ST3GAL1: variants seen among roughly 807,000 people sequenced by gnomAD.
ST3GAL1 encodes the protein CMP-N-acetylneuraminate-beta-galactosamide-alpha-2,3-sialyltransferase 1.
A neutral mutation model predicts 34.1 loss-of-function variants in ST3GAL1; 16 were observed. The observed-to-expected ratio is 0.47, with a 90% CI of 0.32 to 0.71. ST3GAL1 has a LOEUF of 0.71. ST3GAL1 is among the 30% of genes least tolerant of loss of function. The pLI, the probability that ST3GAL1 is intolerant of heterozygous loss-of-function variation, is 0.04. For missense variants in ST3GAL1, 353 were observed against 447.4 expected, an observed-to-expected ratio of 0.79 and a Z score of 1.90; for synonymous variants, 191 against 184.7, an observed-to-expected ratio of 1.03 and a Z score of -0.28.
chr8:133,541,114 T>TAGAG (rs1299790632), intron 2 of ST3GAL1, among the ~76,000 whole-genome samples: 534 of 44,024 alleles, frequency 0.012, 59 homozygotes, highest in East Asian at 0.02. Context: ...TATATATATA[T>TAGAG]ATATATAGAG....
chr8:133,473,570 G>A (rs1816046785), intron 5 of ST3GAL1, among the ~76,000 whole-genome samples: 1 of 152,242 alleles, frequency 6.6e-6, no homozygotes, highest in South Asian at 2.1e-4. Context: ...TGCTGCTACA[G>A]GGGGAATCAG....
rs183099045 is a variant in ST3GAL1, at chr8:133,535,471, T to C, written c.-429+10303A>G. ...TGGGCAAGTCTATTGGTGCCATTTTTCCAACAGTATGTGCTCATTCCATTG... is the reference window on the plus strand; with the variant it reads ...TGGGCAAGTCTATTGGTGCCATTTTCCCAACAGTATGTGCTCATTCCATTG... On this transcript the variant is annotated intron_variant, in intron 2 of 9. Coordinates refer to ENST00000522652, the MANE Select transcript of ST3GAL1 (RefSeq NM_173344.3). Among the ~76,000 whole-genome samples, 363 of 152,242 alleles carry C rather than the reference T, an allele frequency of 2.4e-3. 1 individual carries two copies. Among genetic ancestry groups the C allele is most frequent in the African/African-American group, 8.4e-3 (348 of 41,488 alleles).
intron 1 of ST3GAL1, among the ~76,000 whole-genome samples, chr8:133,547,969 C>T (rs865956695): frequency 2.0e-4 from 30 of 152,120 alleles, no homozygotes; most frequent in African/African-American, 7.0e-4. Flanking sequence ...TGTCTAAGCC[C>T]AGAGTTGTCT....
At chr8:133,481,466 T>C (rs1816386107) in intron 3 of ST3GAL1, among the ~76,000 whole-genome samples, 2 of 152,228 alleles carry the variant, frequency 1.3e-5, no homozygotes, top group Middle Eastern at 3.4e-3. Flanking sequence ...TTTTTGTTTG[T>C]TTGGGTTTTT....
At chr8:133,470,732 A>G (rs566793445) in intron 5 of ST3GAL1, among the ~76,000 whole-genome samples, 1 of 152,264 alleles carries the variant, frequency 6.6e-6, no homozygotes, top group South Asian at 2.1e-4. Flanking sequence ...CATGGAGTCA[A>G]GCACTGCAGG....
chr8:133,466,188 T>C lies in ST3GAL1; in HGVS notation c.307-98A>G. The C allele has an allele frequency of 4.7e-6, 6 of 1,264,170 alleles. No homozygotes were observed. The highest frequency in any genetic ancestry group is 6.5e-6 in the Non-Finnish European group (6 of 917,396). 78.3% of individuals were successfully genotyped at this position (1,264,170 alleles called of 1,614,324 possible). Reference sequence around the variant, plus strand: ...TACCTGCTGTCGTTTACTGGGGCCCTCCTGTTCACCCTTCTCTCTGCTGGG... The same window carrying C: ...TACCTGCTGTCGTTTACTGGGGCCCCCCTGTTCACCCTTCTCTCTGCTGGG... On this transcript the variant is annotated intron_variant, in intron 5 of 9. Transcript: ENST00000522652. This position sits in a 1 kb window ranked among gnomAD's most constrained non-coding sequence, Gnocchi z 4.4.
chr8:133,522,434 T>G (rs889491967), intron 2 of ST3GAL1, among the ~76,000 whole-genome samples: 2 of 152,026 alleles, frequency 1.3e-5, no homozygotes, highest in Non-Finnish European at 2.9e-5. Flanking sequence ...CCTCTGGAAA[T>G]GTGTTGCAAT....
At chr8:133,540,704 T>A (rs1323311676) in intron 2 of ST3GAL1, among the ~76,000 whole-genome samples, 1 of 143,788 alleles carries the variant, frequency 7.0e-6, no homozygotes, top group Admixed American at 7.1e-5. Context: ...CATATATATA[T>A]ATACAGACAT....
intron 2 of ST3GAL1, among the ~76,000 whole-genome samples, chr8:133,511,023 T>C (rs1052970605): frequency 6.6e-6 from 1 of 152,252 alleles, no homozygotes; most frequent in Non-Finnish European, 1.5e-5. Flanking sequence ...CTTGTAGCCA[T>C]AGCAGATAGA....
chr8:133,488,121 G>A (rs1284533602), intron 3 of ST3GAL1: 1 of 152,154 alleles, frequency 6.6e-6, no homozygotes, highest in Non-Finnish European at 1.5e-5. Context: ...CATGTGGCTT[G>A]CCCCTGTCAT....
intron 2 of ST3GAL1, among the ~76,000 whole-genome samples, chr8:133,503,461 C>A (rs903649415): frequency 6.6e-6 from 1 of 152,094 alleles, no homozygotes; most frequent in Non-Finnish European, 1.5e-5. Context: ...GTCTGCTCCC[C>A]CTCCGCCCCA....
intron 2 of ST3GAL1, among the ~76,000 whole-genome samples, chr8:133,513,623 T>C (rs1438976130): frequency 6.6e-6 from 1 of 152,092 alleles, no homozygotes; most frequent in African/African-American, 2.4e-5. Flanking sequence ...TGGCTGGGCG[T>C]AATGGCTCAC....
chr8:133,487,426 G>T (rs532369962), intron 3 of ST3GAL1, among the ~76,000 whole-genome samples: 1 of 152,038 alleles, frequency 6.6e-6, no homozygotes, highest in Admixed American at 6.6e-5. Flanking sequence ...AACTGCATAT[G>T]TGTGTGTGTG....
chr8:133,490,321 C>T (rs1287522422), intron 3 of ST3GAL1, among the ~76,000 whole-genome samples: 3 of 152,192 alleles, frequency 2.0e-5, no homozygotes, highest in Non-Finnish European at 4.4e-5. Context: ...GTACCTCACC[C>T]AGGTACCCAA....
chr8:133,485,896 C>T (rs543775027), intron 3 of ST3GAL1, among the ~76,000 whole-genome samples: 1 of 152,270 alleles, frequency 6.6e-6, no homozygotes, highest in Admixed American at 6.5e-5. Flanking sequence ...CCTCAAGTTC[C>T]TCATCCATAA....
At chr8:133,528,160 C>T (rs189659239) in intron 2 of ST3GAL1, among the ~76,000 whole-genome samples, 8 of 151,754 alleles carry the variant, frequency 5.3e-5, no homozygotes, top group Non-Finnish European at 7.4e-5. Flanking sequence ...GGTGACAGAG[C>T]GAGACTCTGT....
intron 2 of ST3GAL1, among the ~76,000 whole-genome samples, chr8:133,544,491 T>C (rs1818621784): frequency 6.6e-6 from 1 of 152,234 alleles, no homozygotes; most frequent in Non-Finnish European, 1.5e-5. Flanking sequence ...TTTGTCTCCA[T>C]TCTTCCTCAT....
intron 3 of ST3GAL1, among the ~76,000 whole-genome samples, chr8:133,492,721 C>CA (rs932898935): frequency 2.6e-5 from 4 of 151,976 alleles, no homozygotes; most frequent in African/African-American, 9.7e-5. Flanking sequence ...AACTCTGTCT[C>CA]AAAAAAATAA....
chr8:133,525,876 G>A lies in ST3GAL1; in HGVS notation c.-429+19898C>T, dbSNP rs74527398. On this transcript the variant is annotated intron_variant, in intron 2 of 9. Coordinates refer to ENST00000522652, the MANE Select transcript of ST3GAL1 (RefSeq NM_173344.3). ...AGGCAATTACAAGCCTGCATGACAGGGGGGCTTCCTGGGTCCCCAAGAGCA... is the reference window on the plus strand; with the variant it reads ...AGGCAATTACAAGCCTGCATGACAGAGGGGCTTCCTGGGTCCCCAAGAGCA... Among the ~76,000 whole-genome samples, 8 of 150,170 alleles carry A rather than the reference G, an allele frequency of 5.3e-5. No homozygotes were observed. In the South Asian group the frequency reaches 1.7e-3, roughly 31 times the overall value.
Sources: allele counts gnomAD v4.1 joint callset (sites outside exome capture counted in the v4.1 genomes callset), GRCh38; gene constraint gnomAD v4.1.1; non-coding constraint Gnocchi (gnomAD v3.1); transcripts MANE v1.5; gene names NCBI Gene and HGNC (gene_info 2026-07-23, HGNC 2026-07-21).